The following C6orf132 variants were observed in gnomAD, a reference collection of about 807,000 sequenced individuals.
C6orf132 encodes the protein uncharacterized protein C6orf132.
A neutral mutation model predicts 65.3 loss-of-function variants in C6orf132; 43 were observed. The observed-to-expected ratio is 0.66, with a 90% CI of 0.52 to 0.85. The LOEUF (loss-of-function observed/expected upper bound fraction) is 0.85. Among genes scored for constraint, C6orf132 ranks in the 40% least tolerant of loss-of-function variants. C6orf132 has a pLI of 0.00. For synonymous variants in C6orf132, 631 were observed against 654.1 expected (o/e 0.96, Z 0.54); for missense variants, 1,488 against 1,548.8 (o/e 0.96, Z 0.66).
At chr6:42,107,636 G>T (rs1766435566) in intron 3 of C6orf132, 53 bp from the exon 4 acceptor site, 20 of 1,548,820 alleles carry the variant, frequency 1.3e-5, no homozygotes, top group Non-Finnish European at 1.7e-5. Context: ...GACTAGCCCT[G>T]CCAATTTCTG....
rs572486853 is a variant in C6orf132 at position 42,124,836 on chromosome 6, C to T, written c.252+3836G>A. 4.7e-4 allele frequency among the ~76,000 whole-genome samples: 72 copies of T among 152,270 alleles called. No individual in the cohort carries two copies. Among genetic ancestry groups the T allele is most frequent in the African/African-American group, 1.2e-3 (50 of 41,566 alleles). On this transcript the variant is annotated intron_variant, in intron 2 of 4. Transcript: ENST00000341865. The surrounding 1 kb of genome is among the most constrained non-coding windows in gnomAD (Gnocchi z 4.0). ...AAGCTCAGACAGGAGAGAATTAAGC[C>T]GCCAGCCGGATTCCCCTCCACCCGG... is the stretch of plus-strand genomic sequence containing the variant.
At chr6:42,138,258 T>C (rs1766980155) in intron 1 of C6orf132, among the ~76,000 whole-genome samples, 1 of 152,168 alleles carries the variant, frequency 6.6e-6, no homozygotes, top group Admixed American at 6.5e-5. Flanking sequence ...GCAATCCTCC[T>C]GCCTTGGCTT....
chr6:42,128,789 C>T lies in C6orf132; in HGVS notation c.146-11G>A. 1 of 1,539,216 alleles carries T rather than the reference C, an allele frequency of 6.5e-7. No individual in the cohort carries two copies. The highest frequency in any genetic ancestry group is 8.8e-7 in the Non-Finnish European group (1 of 1,135,724). Reference sequence around the variant, plus strand: ...CATAATAGATGCCATCTAGAGAACACAAGTGAGGGGACACCATAAGCTGGA... The same window carrying T: ...CATAATAGATGCCATCTAGAGAACATAAGTGAGGGGACACCATAAGCTGGA... On this transcript the variant is annotated splice_polypyrimidine_tract_variant and intron_variant, in intron 1 of 4. Coordinates refer to ENST00000341865, the MANE Select transcript of C6orf132 (RefSeq NM_001164446.3).
At chr6:42,119,080 A>G (rs1347742169) in intron 2 of C6orf132, among the ~76,000 whole-genome samples, 5 of 147,442 alleles carry the variant, frequency 3.4e-5, no homozygotes, top group South Asian at 2.1e-4. Context: ...AAAAAAAAAA[A>G]AAAAGAAAAA....
chr6:42,142,371 G>A lies in C6orf132; in HGVS notation c.74C>T (p.Thr25Ile). ...FGKKHTTTPS[T>I]SLYATNPPWI... is the part of the protein sequence containing the mutation. ...GGGCGGATTGGTGGCGTAGAGGGAG[G>A]TGCTGGGGGTCGTGGTGTGCTTCTT... is the stretch of plus-strand genomic sequence containing the variant. The change falls in exon 1 of 5, where the codon ACC becomes ATC. Residue 25 changes from threonine (T) to isoleucine (I), a missense_variant. Thr to Ile is a moderately conservative substitution (Grantham distance 89). Coordinates refer to ENST00000341865, the MANE Select transcript of C6orf132 (RefSeq NM_001164446.3). 1 of 1,551,536 alleles carries A rather than the reference G, an allele frequency of 6.4e-7. No homozygotes were observed. Among genetic ancestry groups the A allele is most frequent in the Non-Finnish European group, 8.7e-7 (1 of 1,146,892 alleles).
At position 42,107,490 on chromosome 6, in the gene C6orf132, G is replaced by A. The variant is rs1254436337; in HGVS notation, c.422C>T (p.Pro141Leu). 2 of 1,547,590 alleles carry A rather than the reference G, an allele frequency of 1.3e-6. No individual in the cohort carries two copies. Among genetic ancestry groups the A allele is most frequent in the Admixed American group, 2.0e-5 (1 of 50,894 alleles). ...CCCTGGGGCTGGGCCTGGGGGAGGT[G>A]GGGGGATGAGTAGATCCTGGCCATA... ...GQYGQDLLIP[P>L]PPPGPAPGPP... The change falls in exon 4 of 5, where the codon CCA becomes CTA. Residue 141 changes from proline (P) to leucine (L), a missense_variant. Physicochemically the swap from Pro to Leu is moderately conservative, Grantham distance 98. Transcript: ENST00000341865.
chr6:42,127,623 A>C (rs1766786753), intron 2 of C6orf132, among the ~76,000 whole-genome samples: 1 of 152,160 alleles, frequency 6.6e-6, no homozygotes, highest in South Asian at 2.1e-4. Flanking sequence ...TCCAGGCAAT[A>C]CTAAACCCTC....
intron 1 of C6orf132, among the ~76,000 whole-genome samples, chr6:42,129,091 C>T (rs1230879555): frequency 6.6e-6 from 1 of 152,192 alleles, no homozygotes; most frequent in East Asian, 1.9e-4. Context: ...AATGGTCCCT[C>T]GTTTTTGGAG....
chr6:42,130,193 C>T (rs1350649692), intron 1 of C6orf132, among the ~76,000 whole-genome samples: 4 of 152,260 alleles, frequency 2.6e-5, no homozygotes, highest in African/African-American at 4.8e-5. Flanking sequence ...GTGCTCCGCA[C>T]GTCCCTGGAA....
chr6:42,123,799 C>T lies in C6orf132; in HGVS notation c.252+4873G>A, dbSNP rs558274201. Among the ~76,000 whole-genome samples, 69 of 152,290 alleles carry T rather than the reference C, an allele frequency of 4.5e-4. 2 individuals carry two copies. In the East Asian group the frequency reaches 0.013, roughly 29 times the overall value. On this transcript the variant is annotated intron_variant, in intron 2 of 4. Transcript: ENST00000341865. ...GGCCTGGACAGGGCCCTCCCCTCCCCAGGCCGCAGTATTCTCATCTTGACA... is the reference window on the plus strand; with the variant it reads ...GGCCTGGACAGGGCCCTCCCCTCCCTAGGCCGCAGTATTCTCATCTTGACA...
intron 2 of C6orf132, among the ~76,000 whole-genome samples, chr6:42,123,051 T>G (rs1029751627): frequency 6.6e-6 from 1 of 152,138 alleles, no homozygotes; most frequent in Non-Finnish European, 1.5e-5. Context: ...AACACAACCT[T>G]GCTGCCACCC....
At chr6:42,125,225 G>T (rs1396573819) in intron 2 of C6orf132, among the ~76,000 whole-genome samples, 2 of 152,150 alleles carry the variant, frequency 1.3e-5, no homozygotes, top group African/African-American at 4.8e-5. Flanking sequence ...AGAACGGTCT[G>T]AATAGAACTT....
chr6:42,104,381 T>G lies in C6orf132; in HGVS notation c.3449+82A>C. On this transcript the variant is annotated intron_variant, in intron 4 of 4. Coordinates refer to ENST00000341865, the MANE Select transcript of C6orf132 (RefSeq NM_001164446.3). The surrounding 1 kb of genome is among the most constrained non-coding windows in gnomAD (Gnocchi z 4.1). Reference sequence around the variant, plus strand: ...AGGGAGAAAACCAAATGTTTTCTCTTGACGGATGGCCGGGACTCCTTGGCC... The same window carrying G: ...AGGGAGAAAACCAAATGTTTTCTCTGGACGGATGGCCGGGACTCCTTGGCC... 1.6e-6 allele frequency: 2 copies of G among 1,225,506 alleles called. No homozygotes were observed. Among genetic ancestry groups the G allele is most frequent in the Non-Finnish European group, 2.0e-6 (2 of 984,326 alleles). 75.9% of individuals were successfully genotyped at this position (1,225,506 alleles called of 1,614,324 possible).
chr6:42,136,355 G>A (rs1250595494), intron 1 of C6orf132, among the ~76,000 whole-genome samples: 3 of 152,184 alleles, frequency 2.0e-5, no homozygotes, highest in African/African-American at 7.2e-5. Context: ...TAGCCGGAGT[G>A]AGAGGAGGGC....
rs1766305927 is a variant in C6orf132 at position 42,102,454 on chromosome 6, T to C, written c.*1307A>G. 1 of 151,326 alleles carries C rather than the reference T, an allele frequency of 6.6e-6. No individual in the cohort carries two copies. The highest frequency in any genetic ancestry group is 2.4e-5 in the African/African-American group (1 of 41,036). The allele number at this position is 151,326 out of a possible 1,614,324, so 9.4% of individuals were successfully genotyped here. On this transcript the variant is annotated 3_prime_UTR_variant, in exon 5 of 5. Coordinates refer to ENST00000341865, the MANE Select transcript of C6orf132 (RefSeq NM_001164446.3). ...GTAGGCCAGGATGGTCTTAATCTCT[T>C]GACCTCATGATCCACCCGCCTCAGC... is the stretch of plus-strand genomic sequence containing the variant.
chr6:42,112,300 A>C (rs1204001151), intron 2 of C6orf132, among the ~76,000 whole-genome samples: 1 of 152,018 alleles, frequency 6.6e-6, no homozygotes, highest in African/African-American at 2.4e-5. Flanking sequence ...TGGAGCTCCC[A>C]CTCCTTAGTA....
Position 42,121,008 on chromosome 6 carries a change from T to C in C6orf132, c.252+7664A>G, listed in dbSNP as rs146178387. On this transcript the variant is annotated intron_variant, in intron 2 of 4. Transcript: ENST00000341865. Reference sequence around the variant, plus strand: ...CAGATTTGCAATCTTAACTGACTTATCTAAAAGGAGTCAGAGATAGTAGCT... The same window carrying C: ...CAGATTTGCAATCTTAACTGACTTACCTAAAAGGAGTCAGAGATAGTAGCT... Among the ~76,000 whole-genome samples the C allele has an allele frequency of 3.7e-3, 569 of 152,328 alleles. 4 individuals carry two copies. The highest frequency in any genetic ancestry group is 0.01 in the Middle Eastern group (3 of 294).
chr6:42,123,388 A>G (rs1186449136), intron 2 of C6orf132, among the ~76,000 whole-genome samples: 4 of 151,644 alleles, frequency 2.6e-5, no homozygotes, highest in African/African-American at 9.7e-5. Context: ...ATCTCAAAAA[A>G]AAAAACAAAA....
rs1378248926 is a variant in C6orf132 at position 42,110,311 on chromosome 6, A to C, written c.253-20T>G. ...GGCATTCTGAAAGAGACCAGAAAGAAATCAGGGGACAGGGAAAGATGGACA... is the reference window on the plus strand; with the variant it reads ...GGCATTCTGAAAGAGACCAGAAAGACATCAGGGGACAGGGAAAGATGGACA... On this transcript the variant is annotated intron_variant, in intron 2 of 4. Transcript: ENST00000341865. The C allele has an allele frequency of 6.5e-7, 1 of 1,534,228 alleles. No individual in the cohort carries two copies. Among genetic ancestry groups the C allele is most frequent in the Non-Finnish European group, 8.8e-7 (1 of 1,137,172 alleles).
Sources: allele counts gnomAD v4.1 joint callset (sites outside exome capture counted in the v4.1 genomes callset), GRCh38; gene constraint gnomAD v4.1.1; non-coding constraint Gnocchi (gnomAD v3.1); transcripts MANE v1.5; gene names NCBI Gene and HGNC (gene_info 2026-07-23, HGNC 2026-07-21).